The following FAT2 variants were observed in gnomAD, a reference collection of about 807,000 sequenced individuals.
The protein encoded by FAT2 is FAT atypical cadherin 2, also known as protocadherin Fat 2.
Under a neutral mutation model 295.3 loss-of-function variants are expected in FAT2, and 150 were observed. The ratio of observed to expected loss-of-function variants is 0.51; its 90% confidence interval spans 0.44 to 0.58. The LOEUF (loss-of-function observed/expected upper bound fraction) is 0.58. Ranked by LOEUF, FAT2 falls within the 20% of genes least tolerant of loss-of-function variation. The pLI is 0.00. For synonymous variants in FAT2, 2,026 were observed against 2,150.3 expected (o/e 0.94, Z 1.60); for missense variants, 4,868 against 5,442.7 (o/e 0.89, Z 3.32).
chr5:151,579,009 T>C (rs979682566), intron 1 of FAT2, among the ~76,000 whole-genome samples: 2 of 152,148 alleles, frequency 1.3e-5, no homozygotes, highest in Non-Finnish European at 2.9e-5. Flanking sequence ...GGGAAGATGG[T>C]CAAAGAATAT....
intron 5 of FAT2, 109 bp downstream of exon 5, chr5:151,554,253 G>T (rs1477320761): frequency 1.0e-6 from 1 of 1,004,002 alleles, no homozygotes; most frequent in Non-Finnish European, 1.5e-6. Context: ...AGGAAGGAGA[G>T]TACCATTTCC....
At chr5:151,517,912 T>C in intron 19 of FAT2, 147 bp from the exon 20 acceptor site, 1 of 963,080 alleles carries the variant, frequency 1.0e-6, no homozygotes, top group Non-Finnish European at 1.5e-6. Flanking sequence ...GTGTGGGGTG[T>C]GCCATACCTT....
Position 151,566,870 on chromosome 5 carries a change from C to T in FAT2, c.2062G>A (p.Gly688Arg). 6.2e-7 allele frequency: 1 copy of T among 1,614,124 alleles called. No homozygotes were observed. The highest frequency in any genetic ancestry group is 1.1e-5 in the South Asian group (1 of 91,082). The change falls in exon 2 of 24, where the codon GGG (glycine) becomes AGG (arginine). Residue 688 changes from glycine (G) to arginine (R), a missense_variant. Physicochemically the swap from Gly to Arg is moderately radical, Grantham distance 125. Transcript: ENST00000261800. ...TCACTGGACTCCTGGTTCTGAAGCC[C>T]AATAAAGTGGAGGATAGTCTTTGTG... ...QFTKTILHFI[G>R]LQNQESSDEE...
At chr5:151,594,048 C>T (rs1362663964), upstream of FAT2, among the ~76,000 whole-genome samples, 4 of 152,156 alleles carry the variant, frequency 2.6e-5, no homozygotes, top group African/African-American at 9.7e-5. Flanking sequence ...TGTCAGCACT[C>T]TGCATGAATT....
intron 3 of FAT2, among the ~76,000 whole-genome samples, chr5:151,558,379 G>A (rs1757877551): frequency 6.6e-6 from 1 of 152,166 alleles, no homozygotes; most frequent in African/African-American, 2.4e-5. Context: ...ACTTTGGGAG[G>A]CCGAAGCGGG....
intron 9 of FAT2, among the ~76,000 whole-genome samples, chr5:151,546,586 C>A (rs1756661858): frequency 6.6e-6 from 1 of 152,134 alleles, no homozygotes; most frequent in South Asian, 2.1e-4. Flanking sequence ...AGCTACAAAC[C>A]AAAGCTATAG....
chr5:151,576,902 T>A (rs947642412), intron 1 of FAT2, among the ~76,000 whole-genome samples: 5 of 152,208 alleles, frequency 3.3e-5, no homozygotes, highest in African/African-American at 1.2e-4. Context: ...TACAGCCTAT[T>A]GCTCCTAGGA....
At position 151,506,042 on chromosome 5, in the gene FAT2, C is replaced by G; in HGVS notation, c.12573G>C (p.Trp4191Cys). 6.4e-7 allele frequency: 1 copy of G among 1,563,060 alleles called. No homozygotes were observed. The highest frequency in any genetic ancestry group is 8.6e-7 in the Non-Finnish European group (1 of 1,160,168). ...WPPTYSRNER[W>C]EYPHSEVTQG... is the part of the protein sequence containing the mutation. ...GAGTCACTTCGGAGTGGGGGTATTC[C>G]CAGCGTTCGTTCCTGGAGTAAGTAG... The change falls in exon 24 of 24, where the codon TGG (tryptophan) becomes TGC (cysteine). Residue 4191 changes from tryptophan to cysteine, a missense_variant. Physicochemically the swap from Trp to Cys is radical, Grantham distance 215. Coordinates refer to ENST00000261800, the MANE Select transcript of FAT2 (RefSeq NM_001447.3).
Position 151,544,161 on chromosome 5 carries a change from G to T in FAT2, c.6966C>A (p.Phe2322Leu). ...VEDGSDVSKF[F>L]QINGSTGEMS... ...TCTCCCCTGTGCTCCCATTGATCTG[G>T]AAGAACTTGGAAACATCTGAGCCAT... The change falls in exon 10 of 24, where the codon TTC becomes TTA. Residue 2322 changes from phenylalanine (F) to leucine (L), a missense_variant. Coordinates refer to ENST00000261800, the MANE Select transcript of FAT2 (RefSeq NM_001447.3). 6.2e-7 allele frequency: 1 copy of T among 1,614,196 alleles called. No individual in the cohort carries two copies. The highest frequency in any genetic ancestry group is 8.5e-7 in the Non-Finnish European group (1 of 1,180,034).
At chr5:151,526,794 T>C (rs1275394622) in intron 17 of FAT2, among the ~76,000 whole-genome samples, 1 of 152,038 alleles carries the variant, frequency 6.6e-6, no homozygotes, top group Non-Finnish European at 1.5e-5. Flanking sequence ...CTCCCTCACC[T>C]CCCTTCACCA....
intron 1 of FAT2, among the ~76,000 whole-genome samples, chr5:151,571,225 C>T (rs995885995): frequency 6.6e-6 from 1 of 152,056 alleles, no homozygotes; most frequent in African/African-American, 2.4e-5. Context: ...CTACCCCTGA[C>T]CCAGCCCCCA....
rs1323395872 is a variant in FAT2 at position 151,510,074 on chromosome 5, G to A, written c.12006C>T (p.Ile4002=). The change falls in exon 22 of 24, where the codon ATC becomes ATT. Residue 4002 remains isoleucine (I), a synonymous_variant. Coordinates refer to ENST00000261800, the MANE Select transcript of FAT2 (RefSeq NM_001447.3). ...FAPCLEGGTC[I]LSPKGASCNC... is the part of the protein sequence containing the mutation. ...TACAGGAAGCTCCTTTGGGGGAGAGGATGCAAGTTCCACCTTCCAGGCAGG... is the reference window on the plus strand; with the variant it reads ...TACAGGAAGCTCCTTTGGGGGAGAGAATGCAAGTTCCACCTTCCAGGCAGG... 3 of 1,614,066 alleles carry A rather than the reference G, an allele frequency of 1.9e-6. No homozygotes were observed. Among genetic ancestry groups the A allele is most frequent in the South Asian group, 2.2e-5 (2 of 91,080 alleles).
chr5:151,533,236 T>C (rs1021079957), intron 13 of FAT2, among the ~76,000 whole-genome samples: 1 of 152,048 alleles, frequency 6.6e-6, no homozygotes, highest in Non-Finnish European at 1.5e-5. Context: ...GTGTAAGCAG[T>C]GGCTAATGGA....
chr5:151,567,651 G>A lies in FAT2; in HGVS notation c.1281C>T (p.Ala427=), dbSNP rs1758340262. The change falls in exon 2 of 24, where the codon GCC becomes GCT. Residue 427 remains alanine, a synonymous_variant. Transcript: ENST00000261800. ...AGGTTCTGATGTGTAGCTGATAGTGGGCTCTGTCGTGGAAGTCCATGAGCT... is the reference window on the plus strand; with the variant it reads ...AGGTTCTGATGTGTAGCTGATAGTGAGCTCTGTCGTGGAAGTCCATGAGCT... The part of the protein sequence containing the change: ...TTKLMDFHDR[A]HYQLHIRTSP... 1 of 1,613,992 alleles carries A rather than the reference G, an allele frequency of 6.2e-7. No individual in the cohort carries two copies. Among genetic ancestry groups the A allele is most frequent in the South Asian group, 1.1e-5 (1 of 91,078 alleles).
chr5:151,514,329 A>T (rs1752617953), intron 20 of FAT2, among the ~76,000 whole-genome samples: 1 of 152,158 alleles, frequency 6.6e-6, no homozygotes, highest in Non-Finnish European at 1.5e-5. Flanking sequence ...CCGTCTTTTC[A>T]TTGTCTCCCA....
chr5:151,543,794 G>C lies in FAT2; in HGVS notation c.7333C>G (p.His2445Asp). The C allele has an allele frequency of 6.2e-7, 1 of 1,614,212 alleles. No homozygotes were observed. The highest frequency in any genetic ancestry group is 8.5e-7 in the Non-Finnish European group (1 of 1,180,038). Reference protein sequence around the residue: ...IISMFNLCKKHLDSSYNLRVG... With the variant: ...IISMFNLCKKDLDSSYNLRVG... ...CTCAAATTGTAAGAAGAGTCCAGGT[G>C]CTTTTTGCAAAGGTTGAACATAGAA... The change falls in exon 10 of 24, where the codon CAC (histidine) becomes GAC (aspartate). Residue 2445 changes from histidine (H) to aspartate (D), a missense_variant. His to Asp is a moderately conservative substitution (Grantham distance 81, BLOSUM62 -1). Coordinates refer to ENST00000261800, the MANE Select transcript of FAT2 (RefSeq NM_001447.3).
rs766049884 is a variant in FAT2 at position 151,534,525 on chromosome 5, T to G, written c.9311A>C (p.Glu3104Ala). The change falls in exon 13 of 24, where the codon GAG becomes GCG. Residue 3104 changes from glutamate to alanine, a missense_variant. Around this residue, in one of 5 missense-constraint regions of FAT2, gnomAD observed 1,046 missense variants for 1,210.1 expected, o/e 0.86. Coordinates refer to ENST00000261800, the MANE Select transcript of FAT2 (RefSeq NM_001447.3). The part of the protein sequence containing the change: ...SCQADITLHV[E>A]DVNDNAPRFF... ...CCGCGGGGCATTGTCATTCACATCC[T>G]CCACATGGAGGGTGATGTCTGCCTG... 2.5e-6 allele frequency: 4 copies of G among 1,613,856 alleles called. No individual in the cohort carries two copies. The East Asian group carries it at 8.9e-5, about 36-fold the overall frequency.
At chr5:151,552,030 A>G (rs1484514998) in intron 6 of FAT2, among the ~76,000 whole-genome samples, 1 of 151,296 alleles carries the variant, frequency 6.6e-6, no homozygotes, top group South Asian at 2.1e-4. Flanking sequence ...AAAAATGACA[A>G]AAAGGAAACA....
chr5:151,574,351 C>T (rs1348102046), intron 1 of FAT2, among the ~76,000 whole-genome samples: 1 of 152,058 alleles, frequency 6.6e-6, no homozygotes, highest in Non-Finnish European at 1.5e-5. Context: ...CCCCTCTGCC[C>T]CAGGTGTTCA....
Sources: gnomAD v4.1 joint callset for allele counts (sites outside exome capture counted in the v4.1 genomes callset) on GRCh38, gnomAD v4.1.1 for gene constraint, gnomAD v4.1.1 regional missense constraint, MANE v1.5 for transcripts, NCBI Gene and HGNC (gene_info 2026-07-23, HGNC 2026-07-21) for gene names.